RIMS1: variants seen among roughly 807,000 people sequenced by gnomAD.
The protein encoded by RIMS1 is regulating synaptic membrane exocytosis 1, also known as regulating synaptic membrane exocytosis protein 1.
Under a neutral mutation model 214.1 loss-of-function variants are expected in RIMS1, and 83 were observed. The ratio of observed to expected loss-of-function variants is 0.39; its 90% CI spans 0.32 to 0.47. The LOEUF is 0.47. Among genes scored for constraint, RIMS1 ranks in the 20% least tolerant of loss-of-function variants. The pLI is 0.99. For synonymous variants in RIMS1, 793 were observed against 786.8 expected (o/e 1.01, Z -0.13); for missense variants, 2,050 against 2,161.8 (o/e 0.95, Z 1.03).
intron 16 of RIMS1, among the ~76,000 whole-genome samples, chr6:72,256,096 A>G (rs2075728512): frequency 6.6e-6 from 1 of 152,060 alleles, no homozygotes; most frequent in Admixed American, 6.6e-5. Context: ...GTCAACAATA[A>G]CGTAAACATA....
At chr6:72,164,665 G>T (rs1295871647) in intron 4 of RIMS1, among the ~76,000 whole-genome samples, 1 of 152,168 alleles carries the variant, frequency 6.6e-6, no homozygotes, top group Non-Finnish European at 1.5e-5. Flanking sequence ...TTATTAGACA[G>T]TTCCAGCTGC....
At chr6:71,942,765 A>G (rs1786562424) in intron 1 of RIMS1, among the ~76,000 whole-genome samples, 1 of 152,104 alleles carries the variant, frequency 6.6e-6, no homozygotes, top group Admixed American at 6.5e-5. Flanking sequence ...ACATATAAAA[A>G]TTAGATGCTT....
At position 72,056,011 on chromosome 6, in the gene RIMS1, C is replaced by T. The variant is rs568403221; in HGVS notation, c.246-40938C>T. ...ACGATAGCAAAGATATGAAATAAAC[C>T]TAAATGCCCATCAATAGTAGACTGG... is the stretch of plus-strand genomic sequence containing the variant. On this transcript the variant is annotated intron_variant, in intron 2 of 33. Coordinates refer to ENST00000521978, the MANE Select transcript of RIMS1 (RefSeq NM_014989.7). Among the ~76,000 whole-genome samples, 10 of 152,088 alleles carry T rather than the reference C, an allele frequency of 6.6e-5. No homozygotes were observed. The East Asian group carries it at 1.7e-3, about 26-fold the overall frequency.
chr6:72,284,682 G>GT (rs2091655648), intron 24 of RIMS1, among the ~76,000 whole-genome samples: 1 of 12,386 alleles, frequency 8.1e-5, no homozygotes, highest in Non-Finnish European at 2.3e-4. Flanking sequence ...ACAACATATT[G>GT]ACACTTTTTT....
intron 4 of RIMS1, among the ~76,000 whole-genome samples, chr6:72,125,015 T>C (rs762826051): frequency 2.8e-4 from 42 of 152,192 alleles, no homozygotes; most frequent in Non-Finnish European, 3.1e-4. Flanking sequence ...CCAGCTTTGT[T>C]CCATTGCTGG....
chr6:72,090,547 T>C (rs947840638), intron 2 of RIMS1, among the ~76,000 whole-genome samples: 2 of 152,064 alleles, frequency 1.3e-5, no homozygotes, highest in African/African-American at 4.8e-5. Flanking sequence ...TTTTGCAAAC[T>C]TTTATAGCTC....
intron 2 of RIMS1, among the ~76,000 whole-genome samples, chr6:72,075,727 C>G (rs1040286722): frequency 1.3e-5 from 2 of 152,028 alleles, no homozygotes; most frequent in African/African-American, 4.8e-5. Context: ...CTAAATAACA[C>G]AAAAGTTCAA....
At chr6:72,060,422 G>A (rs950348082) in intron 2 of RIMS1, among the ~76,000 whole-genome samples, 1 of 152,086 alleles carries the variant, frequency 6.6e-6, no homozygotes. Flanking sequence ...CTTCTAATAA[G>A]CTTCCTCAGC....
chr6:72,313,408 C>A, intron 27 of RIMS1, 98 bp from the exon 28 acceptor site: 1 of 1,022,644 alleles, frequency 9.8e-7, no homozygotes, highest in Non-Finnish European at 1.5e-6. Context: ...GAAGGTACAC[C>A]TTTATTTGGT....
intron 1 of RIMS1, among the ~76,000 whole-genome samples, chr6:71,896,012 A>G (rs915021173): frequency 6.6e-5 from 10 of 152,196 alleles, no homozygotes; most frequent in South Asian, 2.1e-4. Context: ...CTGTATTGCA[A>G]TATATTGGAG....
At chr6:71,965,598 C>T (rs1794213776) in intron 1 of RIMS1, among the ~76,000 whole-genome samples, 1 of 152,128 alleles carries the variant, frequency 6.6e-6, no homozygotes, top group African/African-American at 2.4e-5. Flanking sequence ...ATTCATAAAA[C>T]CCAGCAGCGC....
chr6:72,069,063 A>G (rs1830004580), intron 2 of RIMS1, among the ~76,000 whole-genome samples: 1 of 152,214 alleles, frequency 6.6e-6, no homozygotes, highest in South Asian at 2.1e-4. Flanking sequence ...TAATACAATT[A>G]AAGTACACTG....
At chr6:72,295,124 T>C (rs978193385) in intron 26 of RIMS1, among the ~76,000 whole-genome samples, 3 of 151,814 alleles carry the variant, frequency 2.0e-5, no homozygotes, top group Non-Finnish European at 3.0e-5. Context: ...ATTCACAAAC[T>C]AACAGTAAAT....
intron 4 of RIMS1, among the ~76,000 whole-genome samples, chr6:72,106,944 A>C (rs370510888): frequency 7.2e-5 from 11 of 152,178 alleles, no homozygotes; most frequent in African/African-American, 2.7e-4. Context: ...CTCTTAGTAT[A>C]TCTTTCTCTT....
At chr6:72,037,273 G>A (rs986636526) in intron 2 of RIMS1, among the ~76,000 whole-genome samples, 2 of 151,734 alleles carry the variant, frequency 1.3e-5, no homozygotes. Flanking sequence ...AGGATTTAGT[G>A]GCATTTGGGG....
At position 72,259,088 on chromosome 6, in the gene RIMS1, T is replaced by C. The variant is rs2076965767; in HGVS notation, c.3030T>C (p.Ser1010=). 2 of 1,612,376 alleles carry C rather than the reference T, an allele frequency of 1.2e-6. No homozygotes were observed. Among genetic ancestry groups the C allele is most frequent in the African/African-American group, 1.3e-5 (1 of 74,846 alleles). Residue 1010 remains serine (S), a synonymous_variant, in exon 18 of 34, where the codon AGT becomes AGC. Transcript: ENST00000521978. ...ATCATAGAACCAGAGATGTGGATAG[T>C]CAGTATTTATCAGAACAAGACAGGT... The part of the protein sequence containing the change: ...PVDHRTRDVD[S]QYLSEQDSEL...
chr6:71,894,270 C>T (rs1395540186), intron 1 of RIMS1, among the ~76,000 whole-genome samples: 1 of 152,096 alleles, frequency 6.6e-6, no homozygotes, highest in Non-Finnish European at 1.5e-5. Flanking sequence ...CATGGTAAAA[C>T]CCCGTCTCTA....
chr6:72,109,926 C>T (rs1441413478), intron 4 of RIMS1, among the ~76,000 whole-genome samples: 1 of 152,024 alleles, frequency 6.6e-6, no homozygotes, highest in Admixed American at 6.6e-5. Context: ...ATATGGCTAG[C>T]CAGTTTTCCC....
intron 33 of RIMS1, 55 bp from the exon 34 acceptor site, chr6:72,400,441 T>A (rs2098827731): frequency 6.7e-7 from 1 of 1,501,010 alleles, no homozygotes; most frequent in African/African-American, 1.4e-5. Flanking sequence ...TTTGAGCCCT[T>A]CGAATGTGAA....
Sources: allele counts gnomAD v4.1 joint callset (sites outside exome capture counted in the v4.1 genomes callset), GRCh38; gene constraint gnomAD v4.1.1; transcripts MANE v1.5; gene names NCBI Gene and HGNC (gene_info 2026-07-23, HGNC 2026-07-21).